The following PROM1 variants were observed in gnomAD, a reference collection of about 807,000 sequenced individuals.
PROM1 encodes prominin-1.
In PROM1, 105 loss-of-function variants were observed where a neutral mutation model predicts 116.9. The ratio of observed to expected loss-of-function variants is 0.90; its 90% CI spans 0.77 to 1.06. The LOEUF (loss-of-function observed/expected upper bound fraction) is 1.06. Among genes scored for constraint, PROM1 ranks in the 50% least tolerant of loss-of-function variants. The pLI, the probability that PROM1 is intolerant of heterozygous loss-of-function variation, is 0.00. For synonymous variants in PROM1, 393 were observed against 387.0 expected, an observed-to-expected ratio of 1.02 and a Z score of -0.18; for missense variants, 1,122 against 1,045.2, an observed-to-expected ratio of 1.07 and a Z score of -1.01.
rs1217687476 is a variant in PROM1, at chr4:16,025,410, G to A, written c.510-98C>T. On this transcript the variant is annotated intron_variant, in intron 5 of 27. Coordinates refer to ENST00000447510, the MANE Select transcript of PROM1 (RefSeq NM_006017.3). ...CAGAGCAGGAGTCAGGGAGGAGCCC[G>A]CAGAAGGACTGGCCTTTCCTCTCCC... 2.3e-5 allele frequency: 34 copies of A among 1,451,286 alleles called. No homozygotes were observed. The Middle Eastern group carries it at 5.6e-4, about 24-fold the overall frequency. 89.9% of individuals were successfully genotyped at this position (1,451,286 alleles called of 1,614,324 possible). A position where few individuals can be genotyped will look rare whatever the true frequency, so the allele number is the denominator to read the frequency against.
In PROM1 at chr4:15,987,728, CAG is replaced by C. The variant is rs1262440716; in HGVS notation, c.2077-14_2077-13del. Reference sequence around the variant, plus strand: ...TGGTATAGAGTGCTCTGGCAAGAAACAGATAATATTTCCAAAATTATTACATG... The same window carrying C: ...TGGTATAGAGTGCTCTGGCAAGAAACATAATATTTCCAAAATTATTACATG... On this transcript the variant is annotated splice_polypyrimidine_tract_variant and intron_variant, in intron 19 of 27. Transcript: ENST00000447510. 5 of 1,605,586 alleles carry C rather than the reference CAG, an allele frequency of 3.1e-6. No individual in the cohort carries two copies. The highest frequency in any genetic ancestry group is 1.3e-5 in the African/African-American group (1 of 74,518).
At chr4:15,971,267 C>T in intron 26 of PROM1, 185 bp from the exon 27 acceptor site, 1 of 552,206 alleles carries the variant, frequency 1.8e-6, no homozygotes, top group Non-Finnish European at 3.2e-6. Flanking sequence ...GTTTGTATTG[C>T]TTTTAAAAAC....
chr4:15,975,898 C>T (rs1196667162), intron 26 of PROM1, among the ~76,000 whole-genome samples: 1 of 152,200 alleles, frequency 6.6e-6, no homozygotes, highest in Non-Finnish European at 1.5e-5. Context: ...GTCACTCAGT[C>T]TTTGGGATTC....
intron 3 of PROM1, among the ~76,000 whole-genome samples, chr4:16,037,526 G>GT (rs1734212128): frequency 6.6e-6 from 1 of 152,122 alleles, no homozygotes; most frequent in Admixed American, 6.5e-5. Flanking sequence ...CGTATCTGAG[G>GT]TAACGATTCA....
At chr4:16,011,738 A>G (rs1431761539) in intron 11 of PROM1, among the ~76,000 whole-genome samples, 1 of 152,196 alleles carries the variant, frequency 6.6e-6, no homozygotes, top group Non-Finnish European at 1.5e-5. Context: ...TAATATCTTA[A>G]TATTTTCAAG....
rs758633866 is a variant in PROM1, at chr4:16,018,344, A to G, written c.981T>C (p.Asn327=). The G allele has an allele frequency of 1.2e-6, 2 of 1,613,364 alleles. No homozygotes were observed. The highest frequency in any genetic ancestry group is 8.5e-7 in the Non-Finnish European group (1 of 1,179,868). ...NSIRLSLSQL[N]SNPELRQLPP... is the part of the protein sequence containing the mutation. ...TCACCTGCCTCAGTTCAGGGTTGCT[A>G]TTCAGCTGGCTTAGAGACAATCTGA... Residue 327 remains asparagine (N), a synonymous_variant, in exon 9 of 28, where the codon AAT becomes AAC. Coordinates refer to ENST00000447510, the MANE Select transcript of PROM1 (RefSeq NM_006017.3).
At chr4:16,018,272 G>T in intron 9 of PROM1, 51 bp downstream of exon 9, 1 of 1,577,106 alleles carries the variant, frequency 6.3e-7, no homozygotes. Flanking sequence ...AGCCCTGCCC[G>T]GCAATCCCCA....
chr4:16,068,769 A>G (rs1203939813), intron 2 of PROM1, among the ~76,000 whole-genome samples: 2 of 152,172 alleles, frequency 1.3e-5, no homozygotes, highest in Non-Finnish European at 2.9e-5. Flanking sequence ...TATACTCACT[A>G]TAACATCCTG....
chr4:16,048,939 T>C (rs1737199094), intron 2 of PROM1, among the ~76,000 whole-genome samples: 2 of 152,114 alleles, frequency 1.3e-5, no homozygotes, highest in African/African-American at 4.8e-5. Flanking sequence ...AGTACTCAGG[T>C]TGCACAGGGT....
At chr4:16,031,537 G>A (rs1274968527) in intron 5 of PROM1, among the ~76,000 whole-genome samples, 1 of 152,120 alleles carries the variant, frequency 6.6e-6, no homozygotes, top group Non-Finnish European at 1.5e-5. Flanking sequence ...ATCCCAAACT[G>A]CCTCTCAAAA....
intron 13 of PROM1, chr4:16,003,340 C>T (rs1438390507): frequency 2.2e-6 from 1 of 456,730 alleles, no homozygotes; most frequent in Admixed American, 2.3e-5. Context: ...GTTTGGCTTA[C>T]TTCCTTCACC....
chr4:15,970,879 G>A (rs908153995), intron 27 of PROM1, among the ~76,000 whole-genome samples, 164 bp downstream of exon 27: 2 of 152,178 alleles, frequency 1.3e-5, no homozygotes, highest in Admixed American at 6.5e-5. Context: ...TGTGGAACCT[G>A]CAGGTACAGA....
chr4:16,026,858 G>A (rs2149351423), intron 5 of PROM1, among the ~76,000 whole-genome samples: 1 of 152,304 alleles, frequency 6.6e-6, no homozygotes, highest in East Asian at 1.9e-4. Flanking sequence ...TACTAGACTA[G>A]GGGCACAAGA....
In PROM1 at chr4:15,987,677, C is replaced by G. The variant is rs1420653685; in HGVS notation, c.2116G>C (p.Gly706Arg). Reference protein sequence around the residue: ...YQSVKILQRTGNGLLERVTRI... With the variant: ...YQSVKILQRTRNGLLERVTRI... ...TAAACCCTTACCAACAATCCATTCC[C>G]TGTGCGTTGAAGTATCTTGACGCTT... The change falls in exon 20 of 28, where the codon GGG becomes CGG. Residue 706 changes from glycine to arginine, a missense_variant. Transcript: ENST00000447510. 6.2e-7 allele frequency: 1 copy of G among 1,611,524 alleles called. No homozygotes were observed. Among genetic ancestry groups the G allele is most frequent in the South Asian group, 1.1e-5 (1 of 90,204 alleles).
rs182069264 is a variant in PROM1, at chr4:16,042,184, T to C, written c.221-3183A>G. On this transcript the variant is annotated intron_variant, in intron 2 of 27. Coordinates refer to ENST00000447510, the MANE Select transcript of PROM1 (RefSeq NM_006017.3). ...AGCCACTGACAGGATTTGTTGCCAA[T>C]GATAAAACTAGAGCTTTCAAGCAAA... Among the ~76,000 whole-genome samples the C allele has an allele frequency of 2.0e-5, 3 of 152,286 alleles. No homozygotes were observed. In the East Asian group the frequency reaches 5.8e-4, roughly 29 times the overall value.
rs562389062 is a variant in PROM1, at chr4:16,047,207, G to A, written c.221-8206C>T. ...GCCCACCCACTTTATCAAGGGTACT[G>A]CCTTTCTTTTTTTTTGAGAGAGAGA... is the stretch of plus-strand genomic sequence containing the variant. On this transcript the variant is annotated intron_variant, in intron 2 of 27. Transcript: ENST00000447510. Among the ~76,000 whole-genome samples, 4 of 152,084 alleles carry A rather than the reference G, an allele frequency of 2.6e-5. No homozygotes were observed. In the South Asian group the frequency reaches 8.3e-4, roughly 32 times the overall value.
At chr4:16,070,014 A>T (rs1238240546) in intron 2 of PROM1, among the ~76,000 whole-genome samples, 2 of 152,248 alleles carry the variant, frequency 1.3e-5, no homozygotes, top group African/African-American at 4.8e-5. Flanking sequence ...GCTACTTGTT[A>T]TAAGAGTAGG....
At position 15,977,422 on chromosome 4, in the gene PROM1, C is replaced by T. The variant is rs116531912; in HGVS notation, c.2582+1973G>A. 1.4e-3 allele frequency among the ~76,000 whole-genome samples: 206 copies of T among 152,222 alleles called. 1 individual carries two copies. The highest frequency in any genetic ancestry group is 4.7e-3 in the African/African-American group (194 of 41,540). On this transcript the variant is annotated intron_variant, in intron 26 of 27. Coordinates refer to ENST00000447510, the MANE Select transcript of PROM1 (RefSeq NM_006017.3). ...AAGACACCCTCCAAGCATGCTACAC[C>T]GCAAAAAGGAAGGCCAGGACATTAT...
intron 20 of PROM1, 86 bp downstream of exon 20, chr4:15,987,576 AG>A: frequency 7.4e-7 from 1 of 1,350,842 alleles, no homozygotes; most frequent in East Asian, 2.3e-5. Flanking sequence ...TTCAACTTAA[AG>A]TACCTACAAA....
Sources: gnomAD v4.1 joint callset for allele counts (sites outside exome capture counted in the v4.1 genomes callset) on GRCh38, gnomAD v4.1.1 for gene constraint, MANE v1.5 for transcripts, NCBI Gene and HGNC (gene_info 2026-07-23, HGNC 2026-07-21) for gene names.